MIGA2: variants seen among roughly 807,000 people sequenced by gnomAD.
The protein encoded by MIGA2 is mitoguardin 2.
Under a neutral mutation model 69.9 loss-of-function variants are expected in MIGA2, and 36 were observed. The observed-to-expected ratio is 0.52, with a 90% CI of 0.39 to 0.68. MIGA2 has a LOEUF of 0.68. Ranked by LOEUF, MIGA2 falls within the 30% of genes least tolerant of loss-of-function variation. The probability of loss-of-function intolerance (pLI) is 0.00; values close to 1 mark genes in which losing one functional copy is unlikely to be tolerated. For missense variants in MIGA2, 660 were observed against 787.7 expected, an observed-to-expected ratio of 0.84 and a Z score of 1.94; for synonymous variants, 333 against 349.2, an observed-to-expected ratio of 0.95 and a Z score of 0.52.
At chr9:129,037,315 C>G (rs1199915213) in intron 1 of MIGA2, among the ~76,000 whole-genome samples, 2 of 152,064 alleles carry the variant, frequency 1.3e-5, no homozygotes, top group Non-Finnish European at 2.9e-5. Context: ...GGATGATATG[C>G]TTAGGCACCC....
chr9:129,060,592 T>C lies in MIGA2; in HGVS notation c.836T>C (p.Leu279Pro), dbSNP rs1481943697. The part of the protein sequence containing the change: ...MLPLTEGSLR[L>P]RADDEDSLTS... ...CCCCTGACCGAGGGCTCGCTGCGGC[T>C]GCGGGCGGACGATGAGGACAGCCTG... Residue 279 changes from leucine (L) to proline (P), a missense_variant, in exon 8 of 16, where the codon CTG becomes CCG. Coordinates refer to ENST00000684074, the MANE Select transcript of MIGA2 (RefSeq NM_001329990.2). The surrounding 1 kb of genome is among the most constrained non-coding windows in gnomAD (Gnocchi z 4.8). 1.9e-5 allele frequency: 31 copies of C among 1,606,678 alleles called. No individual in the cohort carries two copies. The highest frequency in any genetic ancestry group is 2.5e-5 in the Non-Finnish European group (30 of 1,176,762).
chr9:129,044,923 G>T (rs1355483184), intron 3 of MIGA2, among the ~76,000 whole-genome samples: 1 of 150,610 alleles, frequency 6.6e-6, no homozygotes, highest in Non-Finnish European at 1.5e-5. Flanking sequence ...AGTAAGGCCA[G>T]GCGCGGTGGC....
rs1846513154 is a variant in MIGA2, at chr9:129,068,863, AT to A, written c.1405-212del. 5 of 626,522 alleles carry A rather than the reference AT, an allele frequency of 8.0e-6. No homozygotes were observed. Among genetic ancestry groups the A allele is most frequent in the South Asian group, 7.3e-5 (4 of 55,048 alleles). 38.8% of individuals were successfully genotyped at this position (626,522 alleles called of 1,614,324 possible). A position where few individuals can be genotyped will look rare whatever the true frequency, so the allele number is the denominator to read the frequency against. On this transcript the variant is annotated intron_variant, in intron 13 of 15. Transcript: ENST00000684074. The surrounding 1 kb of genome is among the most constrained non-coding windows in gnomAD (Gnocchi z 4.1). ...AAGAGGAGACCGAGGCTCAGAGAAG[AT>A]CCAGCAGTAAGATTAGAGTCAAGAT...
intron 6 of MIGA2, among the ~76,000 whole-genome samples, 192 bp from the exon 7 acceptor site, chr9:129,058,962 A>G (rs1379520487): frequency 2.6e-5 from 4 of 152,228 alleles, no homozygotes; most frequent in Non-Finnish European, 1.5e-5. Flanking sequence ...GGGACTGTCC[A>G]GGTTTCCAGT....
intron 11 of MIGA2, chr9:129,067,519 A>C: frequency 2.0e-6 from 1 of 497,306 alleles, no homozygotes; most frequent in Non-Finnish European, 3.6e-6. Flanking sequence ...AAGTGAGATC[A>C]CACTGTCACA....
chr9:129,063,655 G>GGGGGGGGGGGGGGCCCC, intron 11 of MIGA2, 24 bp downstream of exon 11: 3 of 645,734 alleles, frequency 4.6e-6, no homozygotes, highest in Non-Finnish European at 8.7e-6. Context: ...GGGTGGGGGG[G>GGGGGGGGGGGGGGCCCC]CAAATTATAA....
At chr9:129,044,927 C>T (rs555140844) in intron 3 of MIGA2, among the ~76,000 whole-genome samples, 8 of 150,186 alleles carry the variant, frequency 5.3e-5, no homozygotes, top group African/African-American at 9.9e-5. Context: ...AGGCCAGGCG[C>T]GGTGGCTCAT....
At position 129,060,517 on chromosome 9, in the gene MIGA2, C is replaced by G. The variant is rs1223196088; in HGVS notation, c.794-33C>G. ...TCCAGCTGAGCACTGTGTGGGGAGTCTCAGCCCCGCTTTCTCTCACTGCTC... is the reference window on the plus strand; with the variant it reads ...TCCAGCTGAGCACTGTGTGGGGAGTGTCAGCCCCGCTTTCTCTCACTGCTC... On this transcript the variant is annotated intron_variant, in intron 7 of 15. Coordinates refer to ENST00000684074, the MANE Select transcript of MIGA2 (RefSeq NM_001329990.2). This position sits in a 1 kb window ranked among gnomAD's most constrained non-coding sequence, Gnocchi z 4.8. 1.3e-6 allele frequency: 2 copies of G among 1,532,436 alleles called. No homozygotes were observed. The highest frequency in any genetic ancestry group is 4.8e-5 in the East Asian group (2 of 41,544). 94.9% of individuals were successfully genotyped at this position (1,532,436 alleles called of 1,614,324 possible).
Position 129,061,443 on chromosome 9 carries a change from C to A in MIGA2, c.1010+97C>A. The A allele has an allele frequency of 1.7e-6, 2 of 1,152,198 alleles. No individual in the cohort carries two copies. Among genetic ancestry groups the A allele is most frequent in the Admixed American group, 4.2e-5 (2 of 47,920 alleles). The allele number at this position is 1,152,198 out of a possible 1,614,324, so 71.4% of individuals were successfully genotyped here. A position where few individuals can be genotyped will look rare whatever the true frequency, so the allele number is the denominator to read the frequency against. ...AGAAGCCAGCGGTGCTTGGCGAGGA[C>A]TTAGCCTGAGTGAGTCCAGGCTGCC... On this transcript the variant is annotated intron_variant, in intron 9 of 15. Transcript: ENST00000684074. This position sits in a 1 kb window ranked among gnomAD's most constrained non-coding sequence, Gnocchi z 5.0.
chr9:129,048,622 C>T, intron 4 of MIGA2, 83 bp downstream of exon 4: 2 of 1,028,588 alleles, frequency 1.9e-6, no homozygotes, highest in Admixed American at 3.8e-5. Flanking sequence ...AGCTTATAGA[C>T]TGGTAGAGTC....
At chr9:129,050,401 C>T (rs28365551) in intron 6 of MIGA2, among the ~76,000 whole-genome samples, 2 of 150,372 alleles carry the variant, frequency 1.3e-5, no homozygotes, top group African/African-American at 4.9e-5. Flanking sequence ...CAGCCTCCTG[C>T]GTAGCTGGGA....
At chr9:129,044,863 T>TTATG (rs1255516651) in intron 3 of MIGA2, among the ~76,000 whole-genome samples, 1 of 146,646 alleles carries the variant, frequency 6.8e-6, no homozygotes, top group African/African-American at 2.5e-5. Flanking sequence ...AGTGCTGGGG[T>TTATG]TATGGGTGTG....
intron 6 of MIGA2, among the ~76,000 whole-genome samples, chr9:129,053,847 C>T (rs1372186975): frequency 6.7e-6 from 1 of 149,714 alleles, no homozygotes; most frequent in East Asian, 2.0e-4. Flanking sequence ...TTTCTTGAGA[C>T]GGGGTCTTAC....
chr9:129,053,766 G>A (rs960201650), intron 6 of MIGA2, among the ~76,000 whole-genome samples: 5 of 151,934 alleles, frequency 3.3e-5, no homozygotes, highest in Non-Finnish European at 7.4e-5. Flanking sequence ...TGGGAGGATT[G>A]TTTGAGCCAG....
chr9:129,047,780 A>C (rs938893196), intron 3 of MIGA2, among the ~76,000 whole-genome samples: 14 of 151,900 alleles, frequency 9.2e-5, no homozygotes, highest in Non-Finnish European at 1.6e-4. Flanking sequence ...CCCAGTCTGG[A>C]ATGAAGTATT....
At chr9:129,041,645 T>C (rs980199504) in intron 2 of MIGA2, among the ~76,000 whole-genome samples, 1 of 152,204 alleles carries the variant, frequency 6.6e-6, no homozygotes, top group African/African-American at 2.4e-5. Flanking sequence ...CTATATGAAC[T>C]CTTGACCTCA....
rs964164881 is a variant in MIGA2, at chr9:129,061,142, C to T, written c.895-89C>T. The T allele has an allele frequency of 5.2e-6, 6 of 1,142,928 alleles. No individual in the cohort carries two copies. Among genetic ancestry groups the T allele is most frequent in the Non-Finnish European group, 7.7e-6 (6 of 780,190 alleles). The allele number at this position is 1,142,928 out of a possible 1,614,324, so 70.8% of individuals were successfully genotyped here. On this transcript the variant is annotated intron_variant, in intron 8 of 15. Transcript: ENST00000684074. This position sits in a 1 kb window ranked among gnomAD's most constrained non-coding sequence, Gnocchi z 5.0. ...AGTGGGCAGGCACCTGGGGTGGCCG[C>T]TGTGGCCGACCAATGGGCAGGTGCC...
intron 11 of MIGA2, among the ~76,000 whole-genome samples, chr9:129,065,442 T>C (rs748583090): frequency 6.6e-6 from 1 of 151,658 alleles, no homozygotes; most frequent in Non-Finnish European, 1.5e-5. Flanking sequence ...GCCTCCCAGG[T>C]TCAAGTGATT....
At chr9:129,063,208 G>C (rs766538856) in intron 9 of MIGA2, 36 bp from the exon 10 acceptor site, 1 of 1,612,500 alleles carries the variant, frequency 6.2e-7, no homozygotes, top group South Asian at 1.1e-5. Flanking sequence ...GCTGGGCAGG[G>C]ACCAGGTTGT....
Sources: allele counts gnomAD v4.1 joint callset (sites outside exome capture counted in the v4.1 genomes callset), GRCh38; gene constraint gnomAD v4.1.1; non-coding constraint Gnocchi (gnomAD v3.1); transcripts MANE v1.5; gene names NCBI Gene and HGNC (gene_info 2026-07-23, HGNC 2026-07-21).